Variants in PHKA2 observed in about 807,000 individuals in gnomAD.
PHKA2 encodes phosphorylase kinase regulatory subunit alpha 2.
In PHKA2, 31 loss-of-function variants were observed where a neutral mutation model predicts 102.0. That is an observed-to-expected ratio of 0.30 (90% confidence interval 0.23 to 0.41). PHKA2 has a LOEUF of 0.41. Ranked by LOEUF, PHKA2 falls within the 10% of genes least tolerant of loss-of-function variation. PHKA2 has a pLI of 1.00. For synonymous variants in PHKA2, 455 were observed against 416.2 expected (o/e 1.09, Z -1.13); for missense variants, 858 against 1,023.1 (o/e 0.84, Z 2.20).
At chrX:18,938,524 C>T (rs1201068866) in intron 10 of PHKA2, 103 bp downstream of exon 10, 3 of 864,811 alleles carry the variant, frequency 3.5e-6, no homozygotes, top group Non-Finnish European at 5.1e-6. Context: ...AACAGATAAC[C>T]GAAACAGTGA....
At chrX:18,953,189 C>T (rs1307111100) in intron 2 of PHKA2, among the ~76,000 whole-genome samples, 1 of 112,280 alleles carries the variant, frequency 8.9e-6, no homozygotes, top group East Asian at 2.8e-4. Context: ...TTTTATATTT[C>T]AGTGCTCTCT....
intron 32 of PHKA2, 117 bp from the exon 33 acceptor site, chrX:18,893,772 C>G: frequency 1.5e-6 from 1 of 686,615 alleles, no homozygotes; most frequent in Non-Finnish European, 2.3e-6. Context: ...CTAGTAGAGC[C>G]TTGGCCTTCT....
intron 29 of PHKA2, 56 bp from the exon 30 acceptor site, chrX:18,897,389 AGT>A (rs1228323322): frequency 3.5e-6 from 4 of 1,131,729 alleles, no homozygotes; most frequent in Non-Finnish European, 4.8e-6. Flanking sequence ...CCCCAGGGAA[AGT>A]GCGCCATCTC....
At chrX:18,916,904 C>T (rs913087150) in intron 19 of PHKA2, among the ~76,000 whole-genome samples, 2 of 107,141 alleles carry the variant, frequency 1.9e-5, no homozygotes, top group African/African-American at 3.4e-5. Context: ...GACAGGTTCT[C>T]GTTCTGTTAC....
chrX:18,974,923 C>T (rs965136345), intron 1 of PHKA2, among the ~76,000 whole-genome samples: 7 of 111,125 alleles, frequency 6.3e-5, no homozygotes, highest in African/African-American at 2.0e-4. Context: ...GTACCTCCCC[C>T]TCATAATCTG....
At chrX:18,926,698 T>G in intron 13 of PHKA2, 111 bp from the exon 14 acceptor site, 1 of 713,814 alleles carries the variant, frequency 1.4e-6, no homozygotes, top group Non-Finnish European at 2.2e-6. Flanking sequence ...CAGCATGCTC[T>G]TCCATGCAAT....
intron 5 of PHKA2, among the ~76,000 whole-genome samples, chrX:18,946,965 G>A (rs925905794): frequency 1.1e-4 from 12 of 108,962 alleles, no homozygotes; most frequent in African/African-American, 4.0e-4. Flanking sequence ...GACCAGGTGC[G>A]ACAACCAAAA....
chrX:18,911,362 G>A (rs891101358), intron 19 of PHKA2, among the ~76,000 whole-genome samples: 3 of 111,171 alleles, frequency 2.7e-5, no homozygotes, highest in Admixed American at 9.6e-5. Flanking sequence ...TAGTAGGGAC[G>A]GAATTTCGCC....
intron 20 of PHKA2, 125 bp from the exon 21 acceptor site, chrX:18,909,059 C>T: frequency 1.2e-6 from 1 of 829,530 alleles, no homozygotes; most frequent in Non-Finnish European, 1.8e-6. Flanking sequence ...TTTTCAATGA[C>T]TTTTTGTACC....
intron 1 of PHKA2, among the ~76,000 whole-genome samples, chrX:18,983,269 C>T (rs1424748423): frequency 8.9e-6 from 1 of 112,760 alleles, no homozygotes; most frequent in African/African-American, 3.2e-5. Flanking sequence ...TACCTCGGAC[C>T]ACATGGGCAG....
At chrX:18,914,285 T>TA (rs1206459961) in intron 19 of PHKA2, among the ~76,000 whole-genome samples, 1 of 111,357 alleles carries the variant, frequency 9.0e-6, no homozygotes, top group Non-Finnish European at 1.9e-5. Flanking sequence ...ACTGTATATA[T>TA]TTTTTTTTAA....
chrX:18,963,365 C>G, intron 1 of PHKA2, among the ~76,000 whole-genome samples: 1 of 112,205 alleles, frequency 8.9e-6, no homozygotes, highest in East Asian at 2.8e-4. Context: ...TCTGTGGAGG[C>G]TGCCACTCTA....
At chrX:18,959,451 G>C (rs1601787697) in intron 1 of PHKA2, among the ~76,000 whole-genome samples, 2 of 111,458 alleles carry the variant, frequency 1.8e-5, no homozygotes, top group Non-Finnish European at 3.8e-5. Flanking sequence ...ACCAAAGTTT[G>C]GGGTGCCCTC....
rs953855576 is a variant in PHKA2, at chrX:18,937,289, G to C, written c.1042-1139C>G. ...CAAAGTATGCTCAGGGCTCAGCACA[G>C]AGCATGGTACCAAGTAGAAGCTAAA... On this transcript the variant is annotated intron_variant, in intron 10 of 32. Transcript: ENST00000379942. 3.6e-5 allele frequency among the ~76,000 whole-genome samples: 4 copies of C among 110,734 alleles called. No homozygotes were observed. In the East Asian group the frequency reaches 8.5e-4, roughly 24 times the overall value.
intron 26 of PHKA2, 141 bp downstream of exon 26, chrX:18,905,617 T>C: frequency 1.9e-6 from 1 of 539,220 alleles, no homozygotes; most frequent in South Asian, 2.4e-5. Flanking sequence ...GCAGGAAGCT[T>C]GAGCCTAGGA....
chrX:18,908,987 G>A (rs2047875542), intron 20 of PHKA2, 53 bp from the exon 21 acceptor site: 12 of 1,200,641 alleles, frequency 1.0e-5, no homozygotes, highest in Middle Eastern at 2.3e-4. Flanking sequence ...TGGAACTTTC[G>A]GAAGATCAAG....
intron 26 of PHKA2, among the ~76,000 whole-genome samples, chrX:18,903,630 T>C (rs935213363): frequency 2.7e-5 from 3 of 112,173 alleles, no homozygotes; most frequent in African/African-American, 9.7e-5. Flanking sequence ...GGCCTCGGGC[T>C]GGAGGGGGAA....
At chrX:18,917,548 C>G (rs1474221644) in intron 19 of PHKA2, among the ~76,000 whole-genome samples, 1 of 111,352 alleles carries the variant, frequency 9.0e-6, no homozygotes, top group East Asian at 2.8e-4. Context: ...TATGAGCCAC[C>G]ACGCCCAGCC....
intron 1 of PHKA2, among the ~76,000 whole-genome samples, chrX:18,954,903 C>T (rs2048752324): frequency 8.9e-6 from 1 of 112,033 alleles, no homozygotes; most frequent in Non-Finnish European, 1.9e-5. Flanking sequence ...CCTCTCTGGG[C>T]AATCCAGATA....
Sources: allele counts gnomAD v4.1 joint callset (sites outside exome capture counted in the v4.1 genomes callset), GRCh38; gene constraint gnomAD v4.1.1; transcripts MANE v1.5; gene names NCBI Gene and HGNC (gene_info 2026-07-23, HGNC 2026-07-21).